The following MROH1 variants were observed in gnomAD, a reference collection of about 807,000 sequenced individuals.
The protein encoded by MROH1 is maestro heat-like repeat-containing protein family member 1.
In MROH1, 117 loss-of-function variants were observed where a neutral mutation model predicts 116.5. The ratio of observed to expected loss-of-function variants is 1.00; its 90% CI spans 0.86 to 1.17. The LOEUF (loss-of-function observed/expected upper bound fraction) is 1.17. MROH1 is among the 50% of genes most tolerant of loss of function. The pLI is 0.00. For missense variants in MROH1, 1,873 were observed against 1,338.5 expected (o/e 1.40, Z -6.23); for synonymous variants, 921 against 583.9 (o/e 1.58, Z -8.32).
intron 4 of MROH1, among the ~76,000 whole-genome samples, chr8:144,178,799 G>A (rs763799024): frequency 3.9e-5 from 6 of 152,126 alleles, no homozygotes; most frequent in Non-Finnish European, 5.9e-5. Context: ...GTGTGCCCCC[G>A]CGGGTCCCAG....
Position 144,180,302 on chromosome 8 carries a change from C to T in MROH1, c.425C>T (p.Ala142Val). Residue 142 changes from alanine to valine, a missense_variant, in exon 6 of 44, where the codon GCC becomes GTC. By Grantham distance (64) the Ala-to-Val change is moderately conservative. Transcript: ENST00000326134. The surrounding 1 kb of genome is among the most constrained non-coding windows in gnomAD (Gnocchi z 7.4). ...RLHPGTLPHC[A>V]VLHTLASLSV... ...CACCCTGGGACCCTGCCACACTGCG[C>T]CGTGCTGCACACCCTCGCCAGCCTC... 6.2e-7 allele frequency: 1 copy of T among 1,607,510 alleles called. No individual in the cohort carries two copies. The highest frequency in any genetic ancestry group is 8.5e-7 in the Non-Finnish European group (1 of 1,179,640).
In MROH1 at chr8:144,261,320, C is replaced by T. The variant is rs1386235165; in HGVS notation, c.4811C>T (p.Pro1604Leu). ...LVLHSEPRQQ[P>L]QVDLDQLIAA... The stretch of plus-strand genomic sequence containing the variant: ...CTGCACTCGGAGCCCAGGCAGCAGC[C>T]GCAGGTGGACCTGGACCAGCTCATT... Residue 1604 changes from proline to leucine, a missense_variant, in exon 43 of 44, where the codon CCG becomes CTG. Coordinates refer to ENST00000326134, the MANE Select transcript of MROH1 (RefSeq NM_032450.3). 1.5e-5 allele frequency: 11 copies of T among 718,874 alleles called. No homozygotes were observed. The highest frequency in any genetic ancestry group is 5.2e-5 in the African/African-American group (3 of 57,862). The allele number at this position is 718,874 out of a possible 1,614,324, so 44.5% of individuals were successfully genotyped here.
chr8:144,174,350 C>T (rs1305544794), intron 4 of MROH1, among the ~76,000 whole-genome samples: 1 of 152,030 alleles, frequency 6.6e-6, no homozygotes, highest in African/African-American at 2.4e-5. Flanking sequence ...TCTACCTAGG[C>T]ATTTGGCTGC....
chr8:144,158,861 C>T (rs1046940881), intron 1 of MROH1, among the ~76,000 whole-genome samples: 1 of 152,148 alleles, frequency 6.6e-6, no homozygotes, highest in Non-Finnish European at 1.5e-5. Context: ...CCTCCTGCCT[C>T]CCGAGTAGCT....
At chr8:144,151,800 T>C (rs1192783435) in intron 1 of MROH1, among the ~76,000 whole-genome samples, 1 of 152,180 alleles carries the variant, frequency 6.6e-6, no homozygotes. Flanking sequence ...CCCTAGAGGT[T>C]TGGGCAGCGG....
Position 144,197,168 on chromosome 8 carries a change from C to T in MROH1, c.949-1954C>T, listed in dbSNP as rs149628484. Among the ~76,000 whole-genome samples, 92 of 152,234 alleles carry T rather than the reference C, an allele frequency of 6.0e-4. No homozygotes were observed. In the East Asian group the frequency reaches 0.016, roughly 27 times the overall value. On this transcript the variant is annotated intron_variant, in intron 10 of 43. Transcript: ENST00000326134. ...AGAAGGTGAGAGCAGCTCAGGGGGT[C>T]GCTCCAACTCAGGGTCCCTTGTTAG... is the stretch of plus-strand genomic sequence containing the variant.
intron 1 of MROH1, among the ~76,000 whole-genome samples, chr8:144,152,552 ATTAT>A (rs1266728945): frequency 3.0e-5 from 4 of 132,162 alleles, no homozygotes; most frequent in Non-Finnish European, 4.5e-5. Context: ...AATTATTATT[ATTAT>A]TTTTTTTTTT....
intron 9 of MROH1, 92 bp downstream of exon 9, chr8:144,191,947 G>A: frequency 6.9e-7 from 1 of 1,446,052 alleles, no homozygotes; most frequent in Non-Finnish European, 9.4e-7. Context: ...AGGGCTCAGT[G>A]GTGGGTGGGG....
intron 4 of MROH1, among the ~76,000 whole-genome samples, chr8:144,175,973 T>TG (rs1183655777): frequency 7.9e-5 from 12 of 152,132 alleles, no homozygotes; most frequent in Admixed American, 7.9e-4. Flanking sequence ...TGCTTGAACC[T>TG]GGGAGGCGGA....
At chr8:144,167,507 T>TTGTTGGGTAGAGTGGCCGGG in intron 3 of MROH1, among the ~76,000 whole-genome samples, 1 of 113,564 alleles carries the variant, frequency 8.8e-6, no homozygotes, top group Non-Finnish European at 1.8e-5. Flanking sequence ...GAGTGGCCGG[T>TTGTTGGGTAGAGTGGCCGGG]TGTTGGGGTG....
intron 3 of MROH1, 150 bp from the exon 4 acceptor site, chr8:144,168,145 T>C: frequency 3.3e-6 from 3 of 916,362 alleles, no homozygotes; most frequent in Non-Finnish European, 4.7e-6. Context: ...GGAGGGAGGT[T>C]ATACAAGAGA....
chr8:144,156,708 C>CAAA lies in MROH1; in HGVS notation c.-176-4242_-176-4240dup, dbSNP rs1176108997. Among the ~76,000 whole-genome samples, 169 of 55,314 alleles carry CAAA rather than the reference C, an allele frequency of 3.1e-3. 1 individual carries two copies. The highest frequency in any genetic ancestry group is 3.6e-3 in the Admixed American group (10 of 2,758). 36.3% of individuals were successfully genotyped at this position (55,314 alleles called of 152,430 possible). ...TGGGTGACAGAGCAAGACTCTGTCT[C>CAAA]AAAAAAAAAAAAAAAAAAAAAAGAA... is the stretch of plus-strand genomic sequence containing the variant. On this transcript the variant is annotated intron_variant, in intron 1 of 43. Coordinates refer to ENST00000326134, the MANE Select transcript of MROH1 (RefSeq NM_032450.3).
chr8:144,232,886 A>AT (rs1839219164), intron 14 of MROH1, among the ~76,000 whole-genome samples: 1 of 151,448 alleles, frequency 6.6e-6, no homozygotes, highest in Non-Finnish European at 1.5e-5. Flanking sequence ...GAGTATAGTG[A>AT]TGCAATCATG....
chr8:144,223,668 A>G (rs1197106427), intron 14 of MROH1, among the ~76,000 whole-genome samples: 1 of 152,202 alleles, frequency 6.6e-6, no homozygotes, highest in African/African-American at 2.4e-5. Context: ...ACAAATGCCA[A>G]TTTCTTGAAG....
intron 4 of MROH1, 67 bp downstream of exon 4, chr8:144,168,507 G>A (rs1821561288): frequency 6.5e-7 from 1 of 1,533,866 alleles, no homozygotes. Context: ...ACTTGGTTTG[G>A]GAAGAGACAG....
At chr8:144,206,646 C>T (rs1184576839) in intron 12 of MROH1, among the ~76,000 whole-genome samples, 1 of 151,460 alleles carries the variant, frequency 6.6e-6, no homozygotes, top group East Asian at 2.0e-4. Flanking sequence ...TGGTCTCGAA[C>T]TCCTGGACCT....
At position 144,180,264 on chromosome 8, in the gene MROH1, G is replaced by C. The variant is rs779872565; in HGVS notation, c.387G>C (p.Leu129=). The C allele has an allele frequency of 8.1e-6, 13 of 1,611,538 alleles. No homozygotes were observed. In the South Asian group the frequency reaches 9.9e-5, roughly 12 times the overall value. Residue 129 remains leucine, a synonymous_variant, in exon 6 of 44, where the codon CTG becomes CTC. Coordinates refer to ENST00000326134, the MANE Select transcript of MROH1 (RefSeq NM_032450.3). The surrounding 1 kb of genome is among the most constrained non-coding windows in gnomAD (Gnocchi z 7.4). Reference sequence around the variant, plus strand: ...TCATCAGCAAGGTGATGGAGGAGCTGCTGCGCAGGCTGCACCCTGGGACCC... The same window carrying C: ...TCATCAGCAAGGTGATGGAGGAGCTCCTGCGCAGGCTGCACCCTGGGACCC... The part of the protein sequence containing the change: ...RQFISKVMEE[L]LRRLHPGTLP...
intron 33 of MROH1, among the ~76,000 whole-genome samples, chr8:144,253,407 G>A (rs910728727): frequency 7.2e-5 from 11 of 152,178 alleles, no homozygotes; most frequent in Admixed American, 6.5e-5. Context: ...GAGGCCACCC[G>A]GCCCCCAAGG....
chr8:144,260,141 C>T (rs1844739361), intron 38 of MROH1, 45 bp from the exon 39 acceptor site: 21 of 759,828 alleles, frequency 2.8e-5, no homozygotes. Context: ...TGTGGGGTAG[C>T]AGACGGTGAC....
Sources: gnomAD v4.1 joint callset for allele counts (sites outside exome capture counted in the v4.1 genomes callset) on GRCh38, gnomAD v4.1.1 for gene constraint, Gnocchi (gnomAD v3.1) non-coding constraint, MANE v1.5 for transcripts, NCBI Gene and HGNC (gene_info 2026-07-23, HGNC 2026-07-21) for gene names.